NME9: variants seen among roughly 807,000 people sequenced by gnomAD.
NME9 encodes the protein thioredoxin domain-containing protein 6.
Under a neutral mutation model 44.4 loss-of-function variants are expected in NME9, and 48 were observed. That is an observed-to-expected ratio of 1.08 (90% CI 0.86 to 1.37). The LOEUF is 1.37. Among genes scored for constraint, NME9 ranks in the 40% most tolerant of loss-of-function variants. The probability of loss-of-function intolerance (pLI) is 0.00; values close to 1 mark genes in which losing one functional copy is unlikely to be tolerated. For synonymous variants in NME9, 139 were observed against 147.1 expected, an observed-to-expected ratio of 0.94 and a Z score of 0.40; for missense variants, 325 against 405.2, an observed-to-expected ratio of 0.80 and a Z score of 1.70.
In NME9 at chr3:138,312,114, GAC is replaced by G. The variant is rs370367722; in HGVS notation, c.460+2216_460+2217del. Among the ~76,000 whole-genome samples the G allele has an allele frequency of 1.2e-4, 18 of 151,592 alleles. 1 individual carries two copies. In the South Asian group the frequency reaches 2.5e-3, roughly 21 times the overall value. ...TACACTGATGAAAGAAATTGAAGAG[GAC>G]ACACACACACACAAATGGAAAGATA... On this transcript the variant is annotated intron_variant, in intron 6 of 10. Coordinates refer to ENST00000333911, the MANE Select transcript of NME9 (RefSeq NM_001349018.2).
chr3:138,319,694 A>G lies in NME9; in HGVS notation c.92-113T>C. The stretch of plus-strand genomic sequence containing the variant: ...CTCAAATGGACATTCATTTGCCGGG[A>G]TATCTAATGGTTAAAGGGATTTACT... On this transcript the variant is annotated intron_variant, in intron 2 of 10. Transcript: ENST00000333911. The G allele has an allele frequency of 6.1e-6, 4 of 658,690 alleles. No individual in the cohort carries two copies. The South Asian group carries it at 6.9e-5, about 11-fold the overall frequency. 40.8% of individuals were successfully genotyped at this position (658,690 alleles called of 1,614,324 possible). A position where few individuals can be genotyped will look rare whatever the true frequency, so the allele number is the denominator to read the frequency against.
intron 8 of NME9, among the ~76,000 whole-genome samples, chr3:138,282,510 T>A (rs768635097): frequency 6.6e-6 from 1 of 151,790 alleles, no homozygotes; most frequent in Non-Finnish European, 1.5e-5. Flanking sequence ...GCTGGGCGTG[T>A]GGCACACACT....
chr3:138,298,079 G>A (rs931068143), downstream of NME9: 1 of 152,218 alleles, frequency 6.6e-6, no homozygotes, highest in African/African-American at 2.4e-5. Context: ...TTGAAACAAA[G>A]CTGTTTGCTG....
chr3:138,315,719 G>A, intron 4 of NME9, 76 bp from the exon 5 acceptor site: 1 of 1,199,714 alleles, frequency 8.3e-7, no homozygotes. Context: ...AGAGTGTCTA[G>A]GAGTGTCCCC....
chr3:138,283,894 G>A (rs148083527), intron 8 of NME9, among the ~76,000 whole-genome samples: 109 of 152,224 alleles, frequency 7.2e-4, no homozygotes, highest in African/African-American at 2.5e-3. Context: ...AAGTTAAAAG[G>A]TCCTAAGTGC....
rs2052923086 is a variant in NME9 at position 138,314,390 on chromosome 3, AAG to A, written c.400_401del (p.Leu134PhefsTer2). ...RERKVIKDEA[L>X]SDEDECVSHG... The stretch of plus-strand genomic sequence containing the variant: ...GGGAAACACATTCATCTTCATCAGA[AAG>A]AGCCTCATCTTTAATCTAGTACAAA... On this transcript the variant is annotated frameshift_variant, in exon 6 of 11. Coordinates refer to ENST00000333911, the MANE Select transcript of NME9 (RefSeq NM_001349018.2). LOFTEE classifies it high-confidence loss of function. 9.3e-6 allele frequency: 15 copies of A among 1,607,698 alleles called. No homozygotes were observed. Among genetic ancestry groups the A allele is most frequent in the Non-Finnish European group, 1.2e-5 (14 of 1,174,848 alleles).
intron 8 of NME9, chr3:138,284,655 A>G (rs543461498): frequency 1.0e-5 from 7 of 681,758 alleles, no homozygotes; most frequent in African/African-American, 1.8e-5. Flanking sequence ...CTCAGATTCA[A>G]AGAACTCTCT....
chr3:138,305,697 G>C (rs2052201218), intron 8 of NME9, among the ~76,000 whole-genome samples: 1 of 152,192 alleles, frequency 6.6e-6, no homozygotes, highest in Non-Finnish European at 1.5e-5. Context: ...TTTGCTTCGA[G>C]ATCCCTAGCT....
At chr3:138,266,194 A>G (rs2048269952) in intron 8 of NME9, among the ~76,000 whole-genome samples, 1 of 152,138 alleles carries the variant, frequency 6.6e-6, no homozygotes, top group East Asian at 1.9e-4. Context: ...GACATATGTC[A>G]TCTCTTCTGA....
At chr3:138,289,018 T>A (rs1351350200) in intron 8 of NME9, 1 of 1,583,090 alleles carries the variant, frequency 6.3e-7, no homozygotes, top group Admixed American at 1.7e-5. Context: ...ACCACCATTT[T>A]GATTTTTTTT....
chr3:138,314,952 A>G (rs1429858958), intron 5 of NME9, among the ~76,000 whole-genome samples: 1 of 152,266 alleles, frequency 6.6e-6, no homozygotes, highest in Non-Finnish European at 1.5e-5. Context: ...TCAAAGCACC[A>G]GGAAATACCT....
At chr3:138,327,680 T>C (rs2053880746) in intron 1 of NME9, among the ~76,000 whole-genome samples, 3 of 152,140 alleles carry the variant, frequency 2.0e-5, no homozygotes, top group Admixed American at 1.3e-4. Flanking sequence ...TGGCCAACTT[T>C]AGGCATTGCT....
chr3:138,317,346 T>C (rs1420169074), intron 4 of NME9, among the ~76,000 whole-genome samples: 1 of 152,230 alleles, frequency 6.6e-6, no homozygotes, highest in African/African-American at 2.4e-5. Context: ...AACCCTAGCC[T>C]GGTGTTTGGA....
downstream of NME9, chr3:138,296,866 C>G (rs1413289773): frequency 1.3e-5 from 2 of 152,204 alleles, no homozygotes; most frequent in Admixed American, 6.5e-5. Flanking sequence ...TAACTCCTGT[C>G]ATTGGTATTA....
Position 138,312,011 on chromosome 3 carries a change from A to C in NME9, c.460+2321T>G, listed in dbSNP as rs191420306. ...AAACCAAGAAAGCAATCACATTTAC[A>C]ATAGCTACAAAGAATATAAAAATGT... On this transcript the variant is annotated intron_variant, in intron 6 of 10. Coordinates refer to ENST00000333911, the MANE Select transcript of NME9 (RefSeq NM_001349018.2). Among the ~76,000 whole-genome samples the C allele has an allele frequency of 3.9e-5, 6 of 152,316 alleles. No individual in the cohort carries two copies. In the East Asian group the frequency reaches 1.2e-3, roughly 29 times the overall value.
Position 138,329,474 on chromosome 3 carries a change from T to C in NME9, c.-139A>G. 6.8e-7 allele frequency: 1 copy of C among 1,474,406 alleles called. No individual in the cohort carries two copies. The highest frequency in any genetic ancestry group is 8.9e-7 in the Non-Finnish European group (1 of 1,118,908). The allele number at this position is 1,474,406 out of a possible 1,614,324, so 91.3% of individuals were successfully genotyped here. A position where few individuals can be genotyped will look rare whatever the true frequency, so the allele number is the denominator to read the frequency against. On this transcript the variant is annotated 5_prime_UTR_variant, in exon 1 of 11. It removes the in-frame stop codon of an upstream open reading frame in the 5' UTR. Transcript: ENST00000333911. ...CCCTCCTACGGCCCCCGGCCCCTTT[T>C]TAAGGTGCTTCTAACTGGCGGCAAA...
At position 138,314,187 on chromosome 3, in the gene NME9, C is replaced by A. The variant is rs1227284105; in HGVS notation, c.460+145G>T. The stretch of plus-strand genomic sequence containing the variant: ...GAAAATATGCACATCTATTATATAT[C>A]AATTTTTAAAAGAAAATTATGAACC... On this transcript the variant is annotated intron_variant, in intron 6 of 10. Coordinates refer to ENST00000333911, the MANE Select transcript of NME9 (RefSeq NM_001349018.2). The A allele has an allele frequency of 1.2e-5, 6 of 514,006 alleles. No individual in the cohort carries two copies. In the Admixed American group the frequency reaches 2.0e-4, roughly 17 times the overall value. 31.8% of individuals were successfully genotyped at this position (514,006 alleles called of 1,614,324 possible).
chr3:138,263,747 G>T (rs540357506), intron 8 of NME9: 3 of 1,613,864 alleles, frequency 1.9e-6, no homozygotes, highest in Admixed American at 3.3e-5. Context: ...AGATCATTGA[G>T]ACTGAAAATA....
At chr3:138,262,625 A>C (rs1244734690) in intron 8 of NME9, 2 of 1,544,182 alleles carry the variant, frequency 1.3e-6, no homozygotes, top group Non-Finnish European at 1.7e-6. Flanking sequence ...TTAGGTGCCT[A>C]GCCCTGACCC....
Sources: allele counts gnomAD v4.1 joint callset (sites outside exome capture counted in the v4.1 genomes callset), GRCh38; gene constraint gnomAD v4.1.1; transcripts MANE v1.5; gene names NCBI Gene and HGNC (gene_info 2026-07-23, HGNC 2026-07-21).